Variants in OR2L5 observed in about 807,000 individuals in gnomAD.
OR2L5 encodes olfactory receptor family 2 subfamily L member 5.
For missense variants in OR2L5, 413 were observed against 381.6 expected, an observed-to-expected ratio of 1.08 and a Z score of -0.69; for synonymous variants, 169 against 142.0, an observed-to-expected ratio of 1.19 and a Z score of -1.35.
In OR2L5 at chr1:248,021,986, A is replaced by G; in HGVS notation, c.39A>G (p.Leu13=). The G allele has an allele frequency of 6.2e-7, 1 of 1,613,732 alleles. No homozygotes were observed. Among genetic ancestry groups the G allele is most frequent in the Non-Finnish European group, 8.5e-7 (1 of 1,179,774 alleles). The part of the protein sequence containing the change: ...NYNQTSTDFI[L]LGLFPPSKIG... ...ATCAAACGTCAACTGATTTCATCTT[A>G]TTGGGGCTGTTCCCACCATCAAAAA... is the stretch of plus-strand genomic sequence containing the variant. Residue 13 remains leucine (L), a synonymous_variant, in exon 2 of 2, where the codon TTA becomes TTG. Coordinates refer to ENST00000355281, the MANE Select transcript of OR2L5 (RefSeq NM_001258284.2).
intron 1 of OR2L5, 114 bp from the exon 2 acceptor site, chr1:248,021,813 A>G: frequency 1.6e-6 from 1 of 638,136 alleles, no homozygotes; most frequent in South Asian, 1.9e-5. Context: ...AAAATAGTGT[A>G]TATAGGGTTC....
intron 1 of OR2L5, among the ~76,000 whole-genome samples, chr1:248,018,143 A>G (rs1408471250): frequency 6.9e-6 from 1 of 145,542 alleles, no homozygotes; most frequent in Non-Finnish European, 1.5e-5. Flanking sequence ...CGACAGAGCG[A>G]CTCCATCTCA....
Position 248,022,204 on chromosome 1 carries a change from A to G in OR2L5, c.257A>G (p.Tyr86Cys), listed in dbSNP as rs1251135143. Reference protein sequence around the residue: ...IVPKMASDFLYGNKSISFIGC... With the variant: ...IVPKMASDFLCGNKSISFIGC... ...CCTAAGATGGCTTCTGATTTTCTGT[A>G]TGGAAACAAGTCTATCTCCTTCATT... The change falls in exon 2 of 2, where the codon TAT (tyrosine) becomes TGT (cysteine). Residue 86 changes from tyrosine (Y) to cysteine (C), a missense_variant. By Grantham distance (194) the Tyr-to-Cys change is radical. Transcript: ENST00000355281. The G allele has an allele frequency of 1.4e-5, 23 of 1,613,976 alleles. No individual in the cohort carries two copies. The highest frequency in any genetic ancestry group is 1.8e-5 in the Non-Finnish European group (21 of 1,179,990).
chr1:248,021,747 TTTC>T (rs1188986234), intron 1 of OR2L5, among the ~76,000 whole-genome samples, 177 bp from the exon 2 acceptor site: 1 of 152,212 alleles, frequency 6.6e-6, no homozygotes, highest in African/African-American at 2.4e-5. Flanking sequence ...TTTTTGTTAA[TTTC>T]TTCCTTGTCT....
chr1:248,018,689 C>G (rs1447215918), intron 1 of OR2L5, among the ~76,000 whole-genome samples: 1 of 152,156 alleles, frequency 6.6e-6, no homozygotes, highest in Non-Finnish European at 1.5e-5. Context: ...TTTAAGTGTA[C>G]AGTTCTGTGG....
At chr1:248,021,109 G>C (rs915649285) in intron 1 of OR2L5, among the ~76,000 whole-genome samples, 4 of 152,000 alleles carry the variant, frequency 2.6e-5, no homozygotes, top group Admixed American at 1.3e-4. Flanking sequence ...CCATGCATTT[G>C]TTTTAAGCAT....
At position 248,021,923 on chromosome 1, in the gene OR2L5, T is replaced by A; in HGVS notation, c.-21-4T>A. On this transcript the variant is annotated splice_region_variant and splice_polypyrimidine_tract_variant and intron_variant, in intron 1 of 1. Coordinates refer to ENST00000355281, the MANE Select transcript of OR2L5 (RefSeq NM_001258284.2). ...ACTTGACTTACCCTTGTGTCTCCCT[T>A]CAGGAAGGATCGTATGAATGCCCCA... The A allele has an allele frequency of 6.3e-7, 1 of 1,580,870 alleles. No homozygotes were observed. Among genetic ancestry groups the A allele is most frequent in the Non-Finnish European group, 8.7e-7 (1 of 1,155,916 alleles).
chr1:248,023,130 T>G lies in OR2L5; in HGVS notation c.*244T>G, dbSNP rs1292226808. The G allele has an allele frequency of 7.3e-5, 25 of 343,844 alleles. No homozygotes were observed. In the Admixed American group the frequency reaches 1.0e-3, roughly 14 times the overall value. The allele number at this position is 343,844 out of a possible 1,614,324, so 21.3% of individuals were successfully genotyped here. ...ACACTAAATTGTAAGGCCATAGAAT[T>G]TCATTATCATGTATAAATCAAAACA... is the stretch of plus-strand genomic sequence containing the variant. On this transcript the variant is annotated 3_prime_UTR_variant, in exon 2 of 2. Transcript: ENST00000355281.
rs772801945 is a variant in OR2L5 at position 248,022,420 on chromosome 1, A to G, written c.473A>G (p.His158Arg). 8 of 1,614,218 alleles carry G rather than the reference A, an allele frequency of 5.0e-6. No homozygotes were observed. Among genetic ancestry groups the G allele is most frequent in the Non-Finnish European group, 6.8e-6 (8 of 1,180,046 alleles). Residue 158 changes from histidine to arginine, a missense_variant, in exon 2 of 2, where the codon CAC becomes CGC. Coordinates refer to ENST00000355281, the MANE Select transcript of OR2L5 (RefSeq NM_001258284.2). ...WMIGSINSCAHTVYAFRIPYC... is the reference protein window; with the variant it reads ...WMIGSINSCARTVYAFRIPYC... Reference sequence around the variant, plus strand: ...ATAGGCTCCATCAACTCTTGTGCTCACACAGTATATGCATTCCGTATCCCA... The same window carrying G: ...ATAGGCTCCATCAACTCTTGTGCTCGCACAGTATATGCATTCCGTATCCCA...
In OR2L5 at chr1:248,022,735, C is replaced by G. The variant is rs746325958; in HGVS notation, c.788C>G (p.Ser263Cys). 9.9e-6 allele frequency: 16 copies of G among 1,613,988 alleles called. No homozygotes were observed. Among genetic ancestry groups the G allele is most frequent in the African/African-American group, 1.3e-5 (1 of 74,902 alleles). ...PFAYTYLCPR[S>C]LRSLTEDKVL... ...GCTTATACCTATCTATGTCCAAGAT[C>G]CCTGCGATCTCTGACAGAGGACAAG... Residue 263 changes from serine to cysteine, a missense_variant, in exon 2 of 2, where the codon TCC (serine) becomes TGC (cysteine). Ser to Cys is a moderately radical substitution (Grantham distance 112). Transcript: ENST00000355281.
intron 1 of OR2L5, among the ~76,000 whole-genome samples, chr1:248,020,943 A>G (rs1334630204): frequency 6.6e-6 from 1 of 151,746 alleles, no homozygotes; most frequent in Non-Finnish European, 1.5e-5. Flanking sequence ...TTATGCAAAG[A>G]CAATTCAAGA....
intron 1 of OR2L5, among the ~76,000 whole-genome samples, chr1:248,015,073 G>T (rs1258805312): frequency 6.6e-6 from 1 of 152,066 alleles, no homozygotes; most frequent in African/African-American, 2.4e-5. Flanking sequence ...GACCTCAATG[G>T]TAGGTTGTGA....
chr1:248,020,783 T>A (rs1662315983), intron 1 of OR2L5, among the ~76,000 whole-genome samples: 1 of 151,984 alleles, frequency 6.6e-6, no homozygotes, highest in Non-Finnish European at 1.5e-5. Flanking sequence ...AACTTTCATT[T>A]ATTTCATTTC....
rs145918694 is a variant in OR2L5, at chr1:248,021,662, A to T, written c.-21-265A>T. 3.3e-5 allele frequency among the ~76,000 whole-genome samples: 5 copies of T among 152,366 alleles called. No individual in the cohort carries two copies. The South Asian group carries it at 6.2e-4, about 19-fold the overall frequency. On this transcript the variant is annotated intron_variant, in intron 1 of 1. Coordinates refer to ENST00000355281, the MANE Select transcript of OR2L5 (RefSeq NM_001258284.2). Reference sequence around the variant, plus strand: ...TACAACGAGGTATTTTGAGAAAAAGAAAAAGATAGAAACTGCATTTGCATA... The same window carrying T: ...TACAACGAGGTATTTTGAGAAAAAGTAAAAGATAGAAACTGCATTTGCATA...
chr1:248,022,620 T>C lies in OR2L5; in HGVS notation c.673T>C (p.Tyr225His). The C allele has an allele frequency of 6.2e-7, 1 of 1,614,156 alleles. No homozygotes were observed. Among genetic ancestry groups the C allele is most frequent in the Admixed American group, 1.7e-5 (1 of 60,008 alleles). ...CSYGWVLLAV[Y>H]RMHSAEGRKK... ...CTATGGCTGGGTTCTCCTTGCTGTC[T>C]ACCGCATGCACTCTGCAGAAGGGAG... The change falls in exon 2 of 2, where the codon TAC (tyrosine) becomes CAC (histidine). Residue 225 changes from tyrosine (Y) to histidine (H), a missense_variant. Transcript: ENST00000355281.
intron 1 of OR2L5, among the ~76,000 whole-genome samples, chr1:248,014,267 C>T (rs1239333369): frequency 6.6e-6 from 1 of 151,944 alleles, no homozygotes; most frequent in African/African-American, 2.4e-5. Context: ...TATTAGGAGG[C>T]CATTAAAGTA....
intron 1 of OR2L5, among the ~76,000 whole-genome samples, chr1:248,020,830 T>C (rs900964636): frequency 1.3e-4 from 19 of 151,656 alleles, no homozygotes; most frequent in Non-Finnish European, 2.8e-4. Context: ...ATACTTTAAC[T>C]TTTAGGGTAC....
intron 1 of OR2L5, among the ~76,000 whole-genome samples, chr1:248,016,157 T>C (rs752990357): frequency 6.6e-6 from 1 of 152,312 alleles, no homozygotes; most frequent in Non-Finnish European, 1.5e-5. Flanking sequence ...AATTGAAGGA[T>C]AGGAAAAAAT....
Position 248,022,941 on chromosome 1 carries a change from A to G in OR2L5, c.*55A>G. ...TAGGTTCATATCAACTCAGCAGTGTACAGCAGTGAAGAAAAACATTATTAC... is the reference window on the plus strand; with the variant it reads ...TAGGTTCATATCAACTCAGCAGTGTGCAGCAGTGAAGAAAAACATTATTAC... On this transcript the variant is annotated 3_prime_UTR_variant, in exon 2 of 2. Coordinates refer to ENST00000355281, the MANE Select transcript of OR2L5 (RefSeq NM_001258284.2). The G allele has an allele frequency of 1.4e-6, 2 of 1,472,642 alleles. No individual in the cohort carries two copies. The highest frequency in any genetic ancestry group is 1.3e-5 in the South Asian group (1 of 74,408). The allele number at this position is 1,472,642 out of a possible 1,614,324, so 91.2% of individuals were successfully genotyped here.
Sources: gnomAD v4.1 joint callset for allele counts (sites outside exome capture counted in the v4.1 genomes callset) on GRCh38, gnomAD v4.1.1 for gene constraint, MANE v1.5 for transcripts, NCBI Gene and HGNC (gene_info 2026-07-23, HGNC 2026-07-21) for gene names.